Variants in MBD5 observed in about 807,000 individuals in gnomAD.
MBD5 encodes the protein methyl-CpG-binding domain protein 5.
A neutral mutation model predicts 117.3 loss-of-function variants in MBD5; 13 were observed. That is an observed-to-expected ratio of 0.11 (90% CI 0.07 to 0.18). The LOEUF (loss-of-function observed/expected upper bound fraction) is 0.18. Ranked by LOEUF, MBD5 falls within the 10% of genes least tolerant of loss-of-function variation. The pLI, the probability that MBD5 is intolerant of heterozygous loss-of-function variation, is 1.00. For missense variants in MBD5, 1,879 were observed against 2,093.8 expected (o/e 0.90, Z 2.00); for synonymous variants, 727 against 766.4 (o/e 0.95, Z 0.85).
chr2:148,139,969 A>G (rs758279635), intron 1 of MBD5, among the ~76,000 whole-genome samples: 2 of 152,212 alleles, frequency 1.3e-5, no homozygotes, highest in Admixed American at 6.5e-5. Context: ...CAATTAGTAA[A>G]TATTGTTGCC....
At chr2:148,240,195 C>T (rs779747250) in intron 3 of MBD5, among the ~76,000 whole-genome samples, 61 of 152,264 alleles carry the variant, frequency 4.0e-4, no homozygotes, top group Non-Finnish European at 7.3e-4. Context: ...CATGTTCTCA[C>T]TCACAGGTGG....
chr2:148,331,622 G>A (rs933490534), intron 3 of MBD5, among the ~76,000 whole-genome samples: 2 of 152,008 alleles, frequency 1.3e-5, no homozygotes, highest in Non-Finnish European at 2.9e-5. Context: ...AAATTTAAAA[G>A]GCTGATATTA....
chr2:148,107,221 T>C (rs1477534344), intron 1 of MBD5, among the ~76,000 whole-genome samples: 1 of 152,098 alleles, frequency 6.6e-6, no homozygotes, highest in Non-Finnish European at 1.5e-5. Context: ...GTTGAAGATA[T>C]TATTTTAGTG....
Position 148,327,839 on chromosome 2 carries a change from G to T in MBD5, c.-679-14375G>T, listed in dbSNP as rs562164657. 4.6e-5 allele frequency among the ~76,000 whole-genome samples: 7 copies of T among 152,284 alleles called. No homozygotes were observed. The East Asian group carries it at 1.4e-3, about 29-fold the overall frequency. On this transcript the variant is annotated intron_variant, in intron 3 of 13. Coordinates refer to ENST00000642680, the MANE Select transcript of MBD5 (RefSeq NM_001378120.1). ...GATCGTCTGAAGCCTTCTTCTCTCA[G>T]CTCGTCAAAGTCATCTCCGTCCAGC...
intron 2 of MBD5, among the ~76,000 whole-genome samples, chr2:148,182,360 A>C (rs1192162238): frequency 6.6e-6 from 1 of 152,184 alleles, no homozygotes; most frequent in Non-Finnish European, 1.5e-5. Context: ...TAAACCATCC[A>C]TGCATTCATA....
intron 4 of MBD5, among the ~76,000 whole-genome samples, chr2:148,430,926 T>C (rs564413433): frequency 3.1e-4 from 47 of 152,298 alleles, no homozygotes; most frequent in African/African-American, 1.1e-3. Context: ...GAGAATTATC[T>C]AAAATTACTT....
intron 3 of MBD5, among the ~76,000 whole-genome samples, chr2:148,257,087 G>A (rs1381083113): frequency 6.6e-6 from 1 of 152,174 alleles, no homozygotes; most frequent in Non-Finnish European, 1.5e-5. Context: ...TCTCTATCAA[G>A]GAATAACAGA....
chr2:148,441,823 T>C (rs575704797), intron 4 of MBD5, among the ~76,000 whole-genome samples: 2,075 of 152,170 alleles, frequency 0.014, 49 homozygotes, highest in African/African-American at 0.047. Context: ...TGGTATCTCA[T>C]TGTGGTTTTG....
rs191824988 is a variant in MBD5 at position 148,345,029 on chromosome 2, G to A, written c.-557+2693G>A. Among the ~76,000 whole-genome samples, 84 of 151,778 alleles carry A rather than the reference G, an allele frequency of 5.5e-4. 1 individual carries two copies. Among genetic ancestry groups the A allele is most frequent in the Middle Eastern group, 3.4e-3 (1 of 294 alleles). On this transcript the variant is annotated intron_variant, in intron 4 of 13. Transcript: ENST00000642680. ...ATATGTCCTAGTGTATAGTATTACC[G>A]TATACCAAGGTTGTAGAAATCAAAC...
At chr2:148,339,001 C>T (rs1005554300) in intron 3 of MBD5, among the ~76,000 whole-genome samples, 2 of 152,100 alleles carry the variant, frequency 1.3e-5, no homozygotes, top group African/African-American at 4.8e-5. Context: ...GCACTCGTGA[C>T]AACGTGGAGA....
intron 2 of MBD5, among the ~76,000 whole-genome samples, chr2:148,207,937 A>C (rs995826897): frequency 5.9e-5 from 9 of 152,182 alleles, no homozygotes; most frequent in African/African-American, 2.2e-4. Context: ...GTAACAAATT[A>C]CCACAAACCT....
intron 4 of MBD5, among the ~76,000 whole-genome samples, chr2:148,449,445 G>A (rs1706660734): frequency 6.6e-6 from 1 of 151,946 alleles, no homozygotes; most frequent in African/African-American, 2.4e-5. Flanking sequence ...AGAATTACAA[G>A]GGGAACCTAA....
chr2:148,424,539 A>G (rs990269714), intron 4 of MBD5, among the ~76,000 whole-genome samples: 1 of 152,122 alleles, frequency 6.6e-6, no homozygotes, highest in African/African-American at 2.4e-5. Flanking sequence ...GCAACTTTAT[A>G]GACATCTACA....
intron 1 of MBD5, among the ~76,000 whole-genome samples, chr2:148,048,193 T>C (rs1017795112): frequency 1.3e-5 from 2 of 152,204 alleles, no homozygotes; most frequent in African/African-American, 4.8e-5. Context: ...TCATGGTTTT[T>C]GGAAGATTCA....
chr2:148,304,062 G>A (rs568661329), intron 3 of MBD5, among the ~76,000 whole-genome samples: 1 of 152,218 alleles, frequency 6.6e-6, no homozygotes, highest in East Asian at 1.9e-4. Flanking sequence ...ATTTTCCACA[G>A]CCATATATCC....
chr2:148,207,426 G>A (rs1283718127), intron 2 of MBD5, among the ~76,000 whole-genome samples: 1 of 145,310 alleles, frequency 6.9e-6, no homozygotes, highest in African/African-American at 2.5e-5. Context: ...ACCAAATAAG[G>A]GAGGGAAGTA....
intron 4 of MBD5, among the ~76,000 whole-genome samples, chr2:148,385,909 A>G (rs1269377587): frequency 7.0e-6 from 1 of 143,824 alleles, no homozygotes; most frequent in Non-Finnish European, 1.5e-5. Context: ...GAATTGAACA[A>G]TGAGAACACA....
At chr2:148,295,197 T>C (rs1701620442) in intron 3 of MBD5, among the ~76,000 whole-genome samples, 1 of 152,214 alleles carries the variant, frequency 6.6e-6, no homozygotes, top group South Asian at 2.1e-4. Flanking sequence ...TGTTTCATGG[T>C]GTCCCACATT....
chr2:148,026,436 A>T (rs894445556), intron 1 of MBD5: 6 of 152,208 alleles, frequency 3.9e-5, no homozygotes, highest in African/African-American at 7.2e-5. Flanking sequence ...AATTTAAAAT[A>T]TACATAATGT....
Sources: gnomAD v4.1 joint callset for allele counts (sites outside exome capture counted in the v4.1 genomes callset) on GRCh38, gnomAD v4.1.1 for gene constraint, MANE v1.5 for transcripts, NCBI Gene and HGNC (gene_info 2026-07-23, HGNC 2026-07-21) for gene names.